Variants in C2CD2L observed in about 807,000 individuals in gnomAD.
C2CD2L encodes C2CD2 like.
A neutral mutation model predicts 69.9 loss-of-function variants in C2CD2L; 24 were observed. The ratio of observed to expected loss-of-function variants is 0.34; its 90% CI spans 0.25 to 0.48. The LOEUF is 0.48. C2CD2L is among the 20% of genes least tolerant of loss of function. The pLI, the probability that C2CD2L is intolerant of heterozygous loss-of-function variation, is 0.99. For synonymous variants in C2CD2L, 367 were observed against 391.0 expected (o/e 0.94, Z 0.72); for missense variants, 811 against 941.5 (o/e 0.86, Z 1.81).
intron 10 of C2CD2L, chr11:119,113,288 C>A (rs1384429882): frequency 1.0e-5 from 4 of 395,074 alleles, no homozygotes; most frequent in African/African-American, 2.0e-5. Flanking sequence ...CTCAGTGGGC[C>A]CCCATGGCAC....
chr11:119,111,696 C>A, intron 7 of C2CD2L, 67 bp downstream of exon 7: 2 of 1,091,370 alleles, frequency 1.8e-6, no homozygotes, highest in Non-Finnish European at 2.7e-6. Flanking sequence ...CCAGCACAGT[C>A]CTTGCAGGAA....
At chr11:119,105,772 G>T (rs1008988245), upstream of C2CD2L, among the ~76,000 whole-genome samples, 1 of 152,158 alleles carries the variant, frequency 6.6e-6, no homozygotes, top group Non-Finnish European at 1.5e-5. Flanking sequence ...CAGTGGAGAA[G>T]TTGAGGGAAT....
In C2CD2L at chr11:119,116,402, G is replaced by T. The variant is rs765562864; in HGVS notation, c.*146G>T. 68 of 659,892 alleles carry T rather than the reference G, an allele frequency of 1.0e-4. No individual in the cohort carries two copies. Among genetic ancestry groups the T allele is most frequent in the Non-Finnish European group, 1.6e-4 (63 of 384,264 alleles). 40.9% of individuals were successfully genotyped at this position (659,892 alleles called of 1,614,324 possible). Reference sequence around the variant, plus strand: ...CCACCCTGGGCCATGGGGCCGGTTGGAAGGATACTTGGAACGGGAAGCACA... The same window carrying T: ...CCACCCTGGGCCATGGGGCCGGTTGTAAGGATACTTGGAACGGGAAGCACA... On this transcript the variant is annotated 3_prime_UTR_variant, in exon 14 of 14. Transcript: ENST00000648610.
chr11:119,105,436 C>T (rs561398529), upstream of C2CD2L, among the ~76,000 whole-genome samples: 25 of 152,170 alleles, frequency 1.6e-4, no homozygotes, highest in African/African-American at 6.0e-4. Context: ...GTCAGGAGTT[C>T]GAGATCAGCC....
intron 9 of C2CD2L, 39 bp downstream of exon 9, chr11:119,112,648 G>A: frequency 5.0e-6 from 8 of 1,607,126 alleles, no homozygotes; most frequent in Non-Finnish European, 6.8e-6. Flanking sequence ...GAGGACACAG[G>A]GGATGGGCAG....
upstream of C2CD2L, among the ~76,000 whole-genome samples, chr11:119,104,644 C>T (rs191694861): frequency 2.6e-4 from 39 of 152,306 alleles, no homozygotes; most frequent in African/African-American, 8.9e-4. Context: ...ATGCTGAAGC[C>T]GGCCCTAGGA....
intron 13 of C2CD2L, chr11:119,115,767 G>A (rs955933956): frequency 2.6e-5 from 14 of 546,944 alleles, no homozygotes; most frequent in Non-Finnish European, 4.2e-5. Context: ...TTTGCGGGCA[G>A]AGTTAAGATT....
At position 119,111,269 on chromosome 11, in the gene C2CD2L, A is replaced by G. The variant is rs1592239690; in HGVS notation, c.805A>G (p.Ser269Gly). 6.2e-7 allele frequency: 1 copy of G among 1,614,054 alleles called. No homozygotes were observed. ...GACCTTCTTCTGCTCTTAGGTACCCAGTGAGAAGCCACCCATGATGCCCCA... is the reference window on the plus strand; with the variant it reads ...GACCTTCTTCTGCTCTTAGGTACCCGGTGAGAAGCCACCCATGATGCCCCA... ...ACSAPGGLVP[S>G]EKPPMMPQAQ... is the part of the protein sequence containing the mutation. The change falls in exon 6 of 14, where the codon AGT becomes GGT. Residue 269 changes from serine to glycine, a missense_variant. Physicochemically the swap from Ser to Gly is moderately conservative, Grantham distance 56. Transcript: ENST00000648610.
chr11:119,111,100 G>T lies in C2CD2L; in HGVS notation c.730G>T (p.Asp244Tyr), dbSNP rs1946727285. 1 of 1,614,060 alleles carries T rather than the reference G, an allele frequency of 6.2e-7. No homozygotes were observed. The highest frequency in any genetic ancestry group is 8.5e-7 in the Non-Finnish European group (1 of 1,180,020). Residue 244 changes from aspartate to tyrosine, a missense_variant, in exon 5 of 14, where the codon GAT becomes TAT. By Grantham distance (160) the Asp-to-Tyr change is radical. Transcript: ENST00000648610. The stretch of plus-strand genomic sequence containing the variant: ...CTCCACAATTGAGGAACTGATCAAG[G>T]ATGCCATAGTCAGCACCCAGCCAGC... Reference protein sequence around the residue: ...ELSTIEELIKDAIVSTQPAMM... With the variant: ...ELSTIEELIKYAIVSTQPAMM...
Position 119,111,537 on chromosome 11 carries a change from C to G in C2CD2L, c.927C>G (p.Cys309Trp). 1 of 1,614,114 alleles carries G rather than the reference C, an allele frequency of 6.2e-7. No homozygotes were observed. Among genetic ancestry groups the G allele is most frequent in the Non-Finnish European group, 8.5e-7 (1 of 1,179,968 alleles). The change falls in exon 7 of 14, where the codon TGC becomes TGG. Residue 309 changes from cysteine to tryptophan, a missense_variant. Coordinates refer to ENST00000648610, the MANE Select transcript of C2CD2L (RefSeq NM_001290474.2). ...TCATCACAGGCACCGAGGAACTGTGCTGTGTAGCTGAACTCGACAACCCCA... is the reference window on the plus strand; with the variant it reads ...TCATCACAGGCACCGAGGAACTGTGGTGTGTAGCTGAACTCGACAACCCCA... Reference protein sequence around the residue: ...GNELEGTEELCCVAELDNPMQ... With the variant: ...GNELEGTEELWCVAELDNPMQ...
At chr11:119,115,975 T>C (rs1450079162) in intron 13 of C2CD2L, 70 bp from the exon 14 acceptor site, 12 of 1,265,456 alleles carry the variant, frequency 9.5e-6, no homozygotes, top group Non-Finnish European at 1.4e-5. Flanking sequence ...CCATTCTCCA[T>C]CGTGTCTCTG....
intron 1 of C2CD2L, chr11:119,108,422 G>C (rs189710652): frequency 8.2e-5 from 23 of 280,266 alleles, no homozygotes; most frequent in African/African-American, 4.6e-4. Flanking sequence ...ATGGGAGACA[G>C]GTGCACCTGC....
chr11:119,112,217 A>G (rs890430292), intron 7 of C2CD2L, 111 bp from the exon 8 acceptor site: 6 of 897,974 alleles, frequency 6.7e-6, no homozygotes, highest in Non-Finnish European at 5.1e-6. Flanking sequence ...TGGAGCATTT[A>G]TGCCGTTTTA....
chr11:119,113,437 C>T, intron 10 of C2CD2L, 174 bp from the exon 11 acceptor site: 1 of 924,144 alleles, frequency 1.1e-6, no homozygotes, highest in Non-Finnish European at 1.6e-6. Context: ...CTCCCATTAG[C>T]TCCTGGGGTG....
rs1401633092 is a variant in C2CD2L at position 119,116,407 on chromosome 11, A to C, written c.*151A>C. The C allele has an allele frequency of 1.5e-5, 10 of 650,532 alleles. No homozygotes were observed. The highest frequency in any genetic ancestry group is 2.7e-5 in the Non-Finnish European group (10 of 376,978). 40.3% of individuals were successfully genotyped at this position (650,532 alleles called of 1,614,324 possible). ...CTGGGCCATGGGGCCGGTTGGAAGGATACTTGGAACGGGAAGCACATGAGA... is the reference window on the plus strand; with the variant it reads ...CTGGGCCATGGGGCCGGTTGGAAGGCTACTTGGAACGGGAAGCACATGAGA... On this transcript the variant is annotated 3_prime_UTR_variant, in exon 14 of 14. Transcript: ENST00000648610.
chr11:119,116,163 A>C lies in C2CD2L; in HGVS notation c.2028A>C (p.Arg676=), dbSNP rs761458908. ...LSNATATPSV[R]KKAGSFSRRL... ...ACGCAACGGCCACGCCCAGTGTCCG[A>C]AAGAAGGCCGGCAGCTTTTCTCGCC... The change falls in exon 14 of 14, where the codon CGA becomes CGC. Residue 676 remains arginine, a synonymous_variant. Coordinates refer to ENST00000648610, the MANE Select transcript of C2CD2L (RefSeq NM_001290474.2). The C allele has an allele frequency of 3.0e-5, 49 of 1,614,156 alleles. No individual in the cohort carries two copies. Among genetic ancestry groups the C allele is most frequent in the Non-Finnish European group, 7.6e-6 (9 of 1,180,062 alleles).
chr11:119,113,986 A>G lies in C2CD2L; in HGVS notation c.1621A>G (p.Lys541Glu). The G allele has an allele frequency of 5.0e-6, 8 of 1,614,050 alleles. No individual in the cohort carries two copies. The highest frequency in any genetic ancestry group is 6.8e-6 in the Non-Finnish European group (8 of 1,179,936). Residue 541 changes from lysine (K) to glutamate (E), a missense_variant and splice_region_variant, in exon 12 of 14, where the codon AAG (lysine) becomes GAG (glutamate). By Grantham distance (56) the Lys-to-Glu change is moderately conservative. Transcript: ENST00000648610. Reference sequence around the variant, plus strand: ...CACTCTCATCATCTCTGGTGTTTCCAAGGTAACAGGGCTCTGGGGAGAGGA... The same window carrying G: ...CACTCTCATCATCTCTGGTGTTTCCGAGGTAACAGGGCTCTGGGGAGAGGA... ...RSTLIISGVS[K>E]VPIAQDELAL...
intron 10 of C2CD2L, 53 bp downstream of exon 10, chr11:119,112,927 G>A: frequency 6.7e-7 from 1 of 1,497,992 alleles, no homozygotes; most frequent in Non-Finnish European, 9.2e-7. Flanking sequence ...CGGGACTGCA[G>A]ACCCAAGGCA....
chr11:119,103,612 G>A (rs1373850939), upstream of C2CD2L, among the ~76,000 whole-genome samples: 3 of 152,100 alleles, frequency 2.0e-5, no homozygotes, highest in African/African-American at 7.2e-5. Context: ...CAGGAGGATC[G>A]CTTGAACCTG....
Sources: gnomAD v4.1 joint callset for allele counts (sites outside exome capture counted in the v4.1 genomes callset) on GRCh38, gnomAD v4.1.1 for gene constraint, MANE v1.5 for transcripts, NCBI Gene and HGNC (gene_info 2026-07-23, HGNC 2026-07-21) for gene names.